The following CABLES1 variants were observed in gnomAD, a reference collection of about 807,000 sequenced individuals.
The protein encoded by CABLES1 is Cdk5 and Abl enzyme substrate 1, also known as CDK5 and ABL1 enzyme substrate 1.
A neutral mutation model predicts 57.8 loss-of-function variants in CABLES1; 36 were observed. The observed-to-expected ratio is 0.62, with a 90% confidence interval of 0.48 to 0.82. CABLES1 has a LOEUF of 0.82. Among genes scored for constraint, CABLES1 ranks in the 40% least tolerant of loss-of-function variants. CABLES1 has a pLI of 0.00. For synonymous variants in CABLES1, 374 were observed against 363.0 expected, an observed-to-expected ratio of 1.03 and a Z score of -0.35; for missense variants, 767 against 836.6, an observed-to-expected ratio of 0.92 and a Z score of 1.03.
chr18:23,237,310 C>T (rs1447476909), intron 7 of CABLES1, 65 bp downstream of exon 7: 18 of 1,090,238 alleles, frequency 1.7e-5, no homozygotes, highest in East Asian at 2.4e-5. Context: ...GGTTGGTGGC[C>T]GGCTGGGGGC....
At position 23,191,906 on chromosome 18, in the gene CABLES1, TAAAAAAAAAAAAAAAAA is replaced by T. The variant is rs147984743; in HGVS notation, c.918-2523_918-2507del. 4.9e-3 allele frequency among the ~76,000 whole-genome samples: 402 copies of T among 82,662 alleles called. 3 individuals carry two copies. The highest frequency in any genetic ancestry group is 0.041 in the Middle Eastern group (6 of 146). The allele number at this position is 82,662 out of a possible 152,430, so 54.2% of individuals were successfully genotyped here. A position where few individuals can be genotyped will look rare whatever the true frequency, so the allele number is the denominator to read the frequency against. ...TTCCCTGGTGATTTGGTTGAATGCT[TAAAAAAAAAAAAAAAAA>T]AAAAAAAAAAAAAAAAAAGGCAACA... On this transcript the variant is annotated intron_variant, in intron 2 of 9. Transcript: ENST00000256925.
chr18:23,247,979 C>T (rs116408833), intron 7 of CABLES1, among the ~76,000 whole-genome samples: 9 of 152,358 alleles, frequency 5.9e-5, no homozygotes, highest in African/African-American at 2.2e-4. Context: ...TGGATTTTTC[C>T]CCGCCTCTCT....
chr18:23,253,984 G>A (rs367885027), intron 9 of CABLES1, 48 bp downstream of exon 9: 38 of 1,530,202 alleles, frequency 2.5e-5, no homozygotes, highest in Middle Eastern at 1.7e-4. Context: ...GCTCCGGTCC[G>A]GGGTTCCTCT....
intron 1 of CABLES1, among the ~76,000 whole-genome samples, chr18:23,156,856 G>C (rs1309517784): frequency 6.6e-6 from 1 of 152,270 alleles, no homozygotes; most frequent in South Asian, 2.1e-4. Flanking sequence ...TCAGCACTGT[G>C]CTTGGGACCC....
chr18:23,164,774 C>T lies in CABLES1; in HGVS notation c.846-24064C>T, dbSNP rs111829468. Among the ~76,000 whole-genome samples, 1,388 of 151,074 alleles carry T rather than the reference C, an allele frequency of 9.2e-3. 17 individuals are homozygous for T. The highest frequency in any genetic ancestry group is 0.022 in the South Asian group (105 of 4,786). ...TATAAAAATTTATCTCTTAACTATT[C>T]TTTTTTTGTTTGCTTGAGACAAAGT... On this transcript the variant is annotated intron_variant, in intron 1 of 9. Transcript: ENST00000256925.
intron 9 of CABLES1, among the ~76,000 whole-genome samples, chr18:23,255,711 C>T (rs2048147732): frequency 6.6e-6 from 1 of 151,914 alleles, no homozygotes; most frequent in Non-Finnish European, 1.5e-5. Context: ...AGGCATGTAC[C>T]ACTGCGCCTG....
intron 7 of CABLES1, among the ~76,000 whole-genome samples, chr18:23,240,233 G>T (rs992727511): frequency 6.6e-6 from 1 of 152,218 alleles, no homozygotes; most frequent in Non-Finnish European, 1.5e-5. Context: ...AGCACTGAGG[G>T]CTGAGAGTGG....
At chr18:23,256,495 T>C (rs2048169878) in intron 9 of CABLES1, among the ~76,000 whole-genome samples, 1 of 152,348 alleles carries the variant, frequency 6.6e-6, no homozygotes, top group South Asian at 2.1e-4. Context: ...TTTATTTATT[T>C]TTTGAGACAG....
chr18:23,193,120 C>G (rs2047256897), intron 2 of CABLES1, among the ~76,000 whole-genome samples: 1 of 152,042 alleles, frequency 6.6e-6, no homozygotes. Flanking sequence ...CCACTCTAAC[C>G]CCTCCTGAAA....
intron 3 of CABLES1, among the ~76,000 whole-genome samples, chr18:23,208,495 G>A (rs1017870559): frequency 6.6e-6 from 1 of 152,190 alleles, no homozygotes; most frequent in African/African-American, 2.4e-5. Flanking sequence ...AGGAAGGAAC[G>A]GCTGTGGGAA....
chr18:23,176,881 G>A (rs1219383694), intron 1 of CABLES1, among the ~76,000 whole-genome samples: 3 of 152,122 alleles, frequency 2.0e-5, no homozygotes, highest in East Asian at 1.9e-4. Context: ...TCCAGGGAGC[G>A]TTTTACTGGC....
chr18:23,173,304 C>T (rs900038593), intron 1 of CABLES1, among the ~76,000 whole-genome samples: 9 of 152,186 alleles, frequency 5.9e-5, no homozygotes, highest in Admixed American at 1.3e-4. Context: ...CCTGCGGGAC[C>T]TCTGTAACCC....
intron 1 of CABLES1, among the ~76,000 whole-genome samples, chr18:23,164,545 A>G (rs2144980432): frequency 6.6e-6 from 1 of 151,970 alleles, no homozygotes; most frequent in South Asian, 2.1e-4. Context: ...CCACACTCCC[A>G]CTGAAAGACA....
In CABLES1 at chr18:23,136,021, G is replaced by A. The variant is rs1295151285; in HGVS notation, c.259G>A (p.Gly87Ser). The change falls in exon 1 of 10, where the codon GGT becomes AGT. Residue 87 changes from glycine to serine, a missense_variant. By Grantham distance (56) the Gly-to-Ser change is moderately conservative. Around this residue, in one of 4 missense-constraint regions of CABLES1, gnomAD observed 198 missense variants for 149.7 expected, o/e 1.32. Transcript: ENST00000256925. Reference sequence around the variant, plus strand: ...GCCGCCGCAGGACGCGGAGTGGGGCGGTGGCGAGGAGGGCGGCGCGGCCAA... The same window carrying A: ...GCCGCCGCAGGACGCGGAGTGGGGCAGTGGCGAGGAGGGCGGCGCGGCCAA... ...RLPPQDAEWG[G>S]GEEGGAAKPG... 4.4e-6 allele frequency: 5 copies of A among 1,139,728 alleles called. No homozygotes were observed. The Admixed American group carries it at 1.9e-4, about 44-fold the overall frequency. 70.6% of individuals were successfully genotyped at this position (1,139,728 alleles called of 1,614,324 possible). A position where few individuals can be genotyped will look rare whatever the true frequency, so the allele number is the denominator to read the frequency against.
Position 23,253,945 on chromosome 18 carries a change from C to A in CABLES1, c.1761+9C>A, listed in dbSNP as rs1362374676. 6.2e-7 allele frequency: 1 copy of A among 1,613,116 alleles called. No homozygotes were observed. Among genetic ancestry groups the A allele is most frequent in the East Asian group, 2.2e-5 (1 of 44,888 alleles). ...TCAAGCATTTAATTGACGTAAGTAG[C>A]CTTTTTCCTGGTGGCTGGAGGAGCA... On this transcript the variant is annotated intron_variant, in intron 9 of 9. Transcript: ENST00000256925.
chr18:23,136,753 C>T (rs1598792114), intron 1 of CABLES1, 146 bp downstream of exon 1: 1 of 498,398 alleles, frequency 2.0e-6, no homozygotes, highest in Non-Finnish European at 3.2e-6. Context: ...GAATCCCAAA[C>T]CACGAGGGCA....
At chr18:23,139,534 A>G (rs2046844653) in intron 1 of CABLES1, among the ~76,000 whole-genome samples, 2 of 152,182 alleles carry the variant, frequency 1.3e-5, no homozygotes, top group Non-Finnish European at 2.9e-5. Flanking sequence ...AAACTTCACA[A>G]CACACAGGGA....
At chr18:23,187,067 G>A (rs2047208108) in intron 1 of CABLES1, among the ~76,000 whole-genome samples, 1 of 152,208 alleles carries the variant, frequency 6.6e-6, no homozygotes, top group Non-Finnish European at 1.5e-5. Flanking sequence ...ACGGGGCTGT[G>A]CGGGGAAGTC....
At chr18:23,231,506 G>C (rs2047566958) in intron 4 of CABLES1, among the ~76,000 whole-genome samples, 3 of 152,160 alleles carry the variant, frequency 2.0e-5, no homozygotes, top group South Asian at 4.1e-4. Flanking sequence ...ACTCGGCTTA[G>C]CCTTAGCAAT....
Sources: allele counts gnomAD v4.1 joint callset (sites outside exome capture counted in the v4.1 genomes callset), GRCh38; gene constraint gnomAD v4.1.1; regional missense constraint gnomAD v4.1.1; transcripts MANE v1.5; gene names NCBI Gene and HGNC (gene_info 2026-07-23, HGNC 2026-07-21).